ZNF701: variants seen among roughly 807,000 people sequenced by gnomAD.
The protein encoded by ZNF701 is zinc finger protein 701.
A neutral mutation model predicts 7.1 loss-of-function variants in ZNF701; 6 were observed. The observed-to-expected ratio is 0.84, with a 90% confidence interval of 0.46 to 1.66. ZNF701 has a LOEUF of 1.66. Among genes scored for constraint, ZNF701 ranks in the 40% most tolerant of loss-of-function variants. The probability of loss-of-function intolerance (pLI) is 0.01; values close to 1 mark genes in which losing one functional copy is unlikely to be tolerated. For synonymous variants in ZNF701, 166 were observed against 188.2 expected, an observed-to-expected ratio of 0.88 and a Z score of 0.97; for missense variants, 541 against 559.2, an observed-to-expected ratio of 0.97 and a Z score of 0.33.
the ZNF701 span, among the ~76,000 whole-genome samples, chr19:52,599,710 A>T: frequency 6.6e-6 from 1 of 152,206 alleles, no homozygotes; most frequent in Non-Finnish European, 1.5e-5. Flanking sequence ...TGATGTTTCC[A>T]CGTGGCTATT....
rs914722009 is a variant in ZNF701 at position 52,572,454 on chromosome 19, T to C, written c.-71-1623T>C. On this transcript the variant is annotated intron_variant, in intron 1 of 3. Coordinates refer to ENST00000391785, the MANE Select transcript of ZNF701 (RefSeq NM_018260.3). ...GGAAGAATTAAATGTTGGGAATCAG[T>C]GGCATCAGAACTTGCAAAGGAAGTT... 8.1e-6 allele frequency: 10 copies of C among 1,240,982 alleles called. No individual in the cohort carries two copies. In the Admixed American group the frequency reaches 2.1e-4, roughly 26 times the overall value. 76.9% of individuals were successfully genotyped at this position (1,240,982 alleles called of 1,614,324 possible).
At chr19:52,596,129 T>C in the ZNF701 span, 4 of 839,812 alleles carry the variant, frequency 4.8e-6, no homozygotes, top group East Asian at 2.5e-5. Flanking sequence ...ATGTAATGAG[T>C]GTGGCAAAGC....
intron 3 of ZNF701, among the ~76,000 whole-genome samples, chr19:52,581,250 C>T (rs2059973507): frequency 6.6e-6 from 1 of 152,206 alleles, no homozygotes; most frequent in African/African-American, 2.4e-5. Context: ...GAGGTAGTCT[C>T]ACTCTGCCAC....
the ZNF701 span, chr19:52,595,926 T>G: frequency 1.2e-6 from 2 of 1,612,934 alleles, no homozygotes; most frequent in Non-Finnish European, 1.7e-6. Flanking sequence ...CTGCCTGAAC[T>G]CCACATGTTT....
At chr19:52,595,136 C>T in the ZNF701 span, among the ~76,000 whole-genome samples, 1 of 152,098 alleles carries the variant, frequency 6.6e-6, no homozygotes. Flanking sequence ...CGCCCACCAC[C>T]ATGCCTGGCA....
intron 3 of ZNF701, among the ~76,000 whole-genome samples, chr19:52,578,546 CTTTA>C (rs1359824806): frequency 1.3e-5 from 2 of 152,192 alleles, no homozygotes; most frequent in African/African-American, 4.8e-5. Context: ...TGTCTTATGT[CTTTA>C]TTTATTACAA....
the ZNF701 span, among the ~76,000 whole-genome samples, chr19:52,593,310 G>T: frequency 1.7e-5 from 2 of 118,390 alleles, 1 homozygote; most frequent in South Asian, 5.6e-4. Flanking sequence ...CTCCCAGACA[G>T]GGTGGTGGCT....
downstream of ZNF701, chr19:52,592,060 A>T (rs2060039154): frequency 1.4e-6 from 1 of 733,394 alleles, no homozygotes; most frequent in Non-Finnish European, 2.3e-6. Context: ...GTGATGACTC[A>T]CTCCTCCCTA....
At chr19:52,593,806 C>T in the ZNF701 span, among the ~76,000 whole-genome samples, 2 of 112,258 alleles carry the variant, frequency 1.8e-5, no homozygotes, top group African/African-American at 3.5e-5. Context: ...GATGGGCGGC[C>T]GGGCAGAGAC....
chr19:52,574,285 TGCCTTCC>T lies in ZNF701; in HGVS notation c.15+124_15+130del, dbSNP rs2059919088. The T allele has an allele frequency of 2.0e-6, 3 of 1,465,522 alleles. No individual in the cohort carries two copies. In the African/African-American group the frequency reaches 4.1e-5, roughly 20 times the overall value. 90.8% of individuals were successfully genotyped at this position (1,465,522 alleles called of 1,614,324 possible). ...GACAGGTTTGCTCACACTCAACTCA[TGCCTTCC>T]CTCAGTCCCTGTCATCTCACTTAGA... On this transcript the variant is annotated intron_variant, in intron 2 of 3. Transcript: ENST00000391785.
chr19:52,574,138 G>A lies in ZNF701; in HGVS notation c.-10G>A, dbSNP rs2059917845. 6.2e-7 allele frequency: 1 copy of A among 1,612,306 alleles called. No homozygotes were observed. The highest frequency in any genetic ancestry group is 1.1e-5 in the South Asian group (1 of 91,044). ...CACGGAAGAGGAAGAGGAAAGCAAAGGAGTCAGGGATGGCTCTTCTTCAGG... is the reference window on the plus strand; with the variant it reads ...CACGGAAGAGGAAGAGGAAAGCAAAAGAGTCAGGGATGGCTCTTCTTCAGG... On this transcript the variant is annotated 5_prime_UTR_variant, in exon 2 of 4. Transcript: ENST00000391785.
intron 2 of ZNF701, chr19:52,575,610 C>A (rs192210211): frequency 0.017 from 5,990 of 354,378 alleles, 71 homozygotes; most frequent in Middle Eastern, 0.029. Flanking sequence ...AGCCGTCCTC[C>A]CACCTCAGCC....
chr19:52,592,072 T>A (rs1295263561), downstream of ZNF701: 3 of 806,476 alleles, frequency 3.7e-6, no homozygotes, highest in Non-Finnish European at 4.1e-6. Flanking sequence ...TCCTCCCTAA[T>A]GTTTTGTTGA....
At chr19:52,574,621 G>T (rs924956766) in intron 2 of ZNF701, among the ~76,000 whole-genome samples, 26 of 152,218 alleles carry the variant, frequency 1.7e-4, no homozygotes, top group African/African-American at 6.0e-4. Flanking sequence ...ACATTTTTAG[G>T]TAATTGAGTG....
intron 1 of ZNF701, among the ~76,000 whole-genome samples, chr19:52,571,149 A>G (rs1471690042): frequency 3.9e-5 from 6 of 152,098 alleles, no homozygotes; most frequent in Non-Finnish European, 7.4e-5. Context: ...AACTGGAGAA[A>G]TGTAGAGAAA....
At chr19:52,587,897 A>G (rs2060021237), downstream of ZNF701, among the ~76,000 whole-genome samples, 3 of 152,292 alleles carry the variant, frequency 2.0e-5, no homozygotes, top group South Asian at 2.1e-4. Context: ...CATATTGAGA[A>G]CTGAGATCAG....
intron 3 of ZNF701, among the ~76,000 whole-genome samples, chr19:52,578,450 C>T (rs1388419467): frequency 1.3e-5 from 2 of 152,058 alleles, no homozygotes; most frequent in Admixed American, 1.3e-4. Flanking sequence ...TAAATATCAG[C>T]GCACCCAGCT....
chr19:52,583,416 C>G lies in ZNF701; in HGVS notation c.1357C>G (p.Leu453Val). 6.2e-7 allele frequency: 1 copy of G among 1,613,624 alleles called. No individual in the cohort carries two copies. The change falls in exon 4 of 4, where the codon CTT becomes GTT. Residue 453 changes from leucine to valine, a missense_variant. Coordinates refer to ENST00000391785, the MANE Select transcript of ZNF701 (RefSeq NM_018260.3). ...CGKVFNRKSNLERHHRLHTGK... is the reference protein window; with the variant it reads ...CGKVFNRKSNVERHHRLHTGK... ...CAAGGTTTTTAATCGAAAATCAAAC[C>G]TTGAACGTCATCATAGACTTCATAC... is the stretch of plus-strand genomic sequence containing the variant.
the ZNF701 span, among the ~76,000 whole-genome samples, chr19:52,592,467 T>A: frequency 6.6e-6 from 1 of 152,218 alleles, no homozygotes; most frequent in Non-Finnish European, 1.5e-5. Flanking sequence ...AGATTGAACA[T>A]CATCCTGCTC....
Sources: gnomAD v4.1 joint callset for allele counts (sites outside exome capture counted in the v4.1 genomes callset) on GRCh38, gnomAD v4.1.1 for gene constraint, MANE v1.5 for transcripts, NCBI Gene and HGNC (gene_info 2026-07-23, HGNC 2026-07-21) for gene names.